Variants in SLCO1B1 observed in about 807,000 individuals in gnomAD.
SLCO1B1 encodes the protein solute carrier organic anion transporter family member 1B1.
A neutral mutation model predicts 70.1 loss-of-function variants in SLCO1B1; 81 were observed. The observed-to-expected ratio is 1.16, with a 90% CI of 0.97 to 1.39. SLCO1B1 has a LOEUF of 1.39. Ranked by LOEUF, SLCO1B1 falls within the 40% of genes most tolerant of loss-of-function variation. SLCO1B1 has a pLI of 0.00. For missense variants in SLCO1B1, 895 were observed against 799.6 expected, an observed-to-expected ratio of 1.12 and a Z score of -1.44; for synonymous variants, 283 against 271.5, an observed-to-expected ratio of 1.04 and a Z score of -0.42.
intron 1 of SLCO1B1, among the ~76,000 whole-genome samples, chr12:21,138,990 G>T (rs1248462676): frequency 2.6e-5 from 4 of 152,094 alleles, no homozygotes; most frequent in African/African-American, 9.7e-5. Flanking sequence ...GGATAAATAT[G>T]ATATGCATAG....
intron 7 of SLCO1B1, among the ~76,000 whole-genome samples, chr12:21,187,668 G>GAA (rs34413949): frequency 7.4e-5 from 11 of 149,400 alleles, no homozygotes; most frequent in Non-Finnish European, 1.6e-4. Context: ...TTGTTATAGG[G>GAA]AAAAAAAAAA....
At chr12:21,206,374 G>C (rs1228795064) in intron 11 of SLCO1B1, among the ~76,000 whole-genome samples, 1 of 151,756 alleles carries the variant, frequency 6.6e-6, no homozygotes, top group Non-Finnish European at 1.5e-5. Context: ...CATTAAGTTG[G>C]AATTACTTTA....
At chr12:21,207,175 G>A (rs1185688011) in intron 11 of SLCO1B1, among the ~76,000 whole-genome samples, 1 of 151,914 alleles carries the variant, frequency 6.6e-6, no homozygotes, top group African/African-American at 2.4e-5. Flanking sequence ...GGATACAAAT[G>A]AATTTGTGTT....
intron 11 of SLCO1B1, among the ~76,000 whole-genome samples, chr12:21,212,995 T>G (rs1377677466): frequency 1.3e-5 from 2 of 151,900 alleles, no homozygotes; most frequent in Non-Finnish European, 2.9e-5. Context: ...TACAGCACAC[T>G]GATGGGTCTT....
chr12:21,226,996 C>A (rs75355229), intron 14 of SLCO1B1, among the ~76,000 whole-genome samples: 18,852 of 152,056 alleles, frequency 0.12, 1,577 homozygotes, highest in Non-Finnish European at 0.18. Flanking sequence ...TTAAAACTCA[C>A]CCAAATTGTC....
rs546091491 is a variant in SLCO1B1 at position 21,165,699 on chromosome 12, G to C, written c.85-6951G>C. ...TTATAATGTGAGTAGTGCCTTACAA[G>C]AAAATGCTGGAGAGCTCACTAGATT... is the stretch of plus-strand genomic sequence containing the variant. On this transcript the variant is annotated intron_variant, in intron 2 of 14. Transcript: ENST00000256958. 2.6e-5 allele frequency among the ~76,000 whole-genome samples: 4 copies of C among 152,136 alleles called. No individual in the cohort carries two copies. The East Asian group carries it at 5.8e-4, about 22-fold the overall frequency.
At chr12:21,156,120 T>A (rs1210442410) in intron 2 of SLCO1B1, among the ~76,000 whole-genome samples, 1 of 152,132 alleles carries the variant, frequency 6.6e-6, no homozygotes, top group African/African-American at 2.4e-5. Context: ...CAAGTAGTAT[T>A]GTGACCGAGA....
chr12:21,193,384 G>T (rs952224074), intron 7 of SLCO1B1, among the ~76,000 whole-genome samples: 2 of 152,082 alleles, frequency 1.3e-5, no homozygotes, highest in African/African-American at 2.4e-5. Context: ...TATCCATAGG[G>T]AGTCCTAGAA....
chr12:21,207,285 G>GT (rs1056194565), intron 11 of SLCO1B1, among the ~76,000 whole-genome samples: 1 of 151,850 alleles, frequency 6.6e-6, no homozygotes, highest in African/African-American at 2.4e-5. Flanking sequence ...AGTACTTGCT[G>GT]TTTTTTATCT....
intron 2 of SLCO1B1, among the ~76,000 whole-genome samples, chr12:21,171,280 T>C (rs1940753206): frequency 1.3e-5 from 2 of 152,162 alleles, no homozygotes; most frequent in African/African-American, 4.8e-5. Context: ...GAATCTGGAA[T>C]GCTCAATATA....
intron 12 of SLCO1B1, among the ~76,000 whole-genome samples, chr12:21,220,063 T>C (rs2121185278): frequency 6.6e-6 from 1 of 152,264 alleles, no homozygotes. Context: ...ACCTGGCCTT[T>C]GTTTTATTTT....
chr12:21,175,532 C>A (rs1940809092), intron 4 of SLCO1B1, among the ~76,000 whole-genome samples: 3 of 152,104 alleles, frequency 2.0e-5, no homozygotes, highest in Non-Finnish European at 4.4e-5. Context: ...TATTAGGAGA[C>A]AATGAGCAGT....
intron 7 of SLCO1B1, among the ~76,000 whole-genome samples, chr12:21,194,737 T>C (rs1941072009): frequency 6.6e-6 from 1 of 152,198 alleles, no homozygotes; most frequent in African/African-American, 2.4e-5. Context: ...ATTTTCTGTG[T>C]TAGGCCATTC....
At chr12:21,172,862 T>C in intron 3 of SLCO1B1, 71 bp downstream of exon 3, 4 of 1,387,848 alleles carry the variant, frequency 2.9e-6, no homozygotes, top group Non-Finnish European at 4.0e-6. Flanking sequence ...ACACCACTGG[T>C]TATCAACTGG....
intron 12 of SLCO1B1, among the ~76,000 whole-genome samples, chr12:21,217,785 TA>T (rs1941377775): frequency 1.3e-5 from 2 of 152,062 alleles, no homozygotes; most frequent in Admixed American, 1.3e-4. Context: ...TGTAGAAAAA[TA>T]AAAAAATACA....
rs1032816523 is a variant in SLCO1B1 at position 21,235,034 on chromosome 12, C to A, written c.1866-3945C>A. Among the ~76,000 whole-genome samples, 5 of 149,546 alleles carry A rather than the reference C, an allele frequency of 3.3e-5. No individual in the cohort carries two copies. In the South Asian group the frequency reaches 6.3e-4, roughly 19 times the overall value. ...CTCTGATTTTTGGGTGAAGTATTCTCTAGATATCTATTAGATCCACTTGGT... is the reference window on the plus strand; with the variant it reads ...CTCTGATTTTTGGGTGAAGTATTCTATAGATATCTATTAGATCCACTTGGT... On this transcript the variant is annotated intron_variant, in intron 14 of 14. Transcript: ENST00000256958.
In SLCO1B1 at chr12:21,172,544, T is replaced by C. The variant is rs71581982; in HGVS notation, c.85-106T>C. The C allele has an allele frequency of 4.1e-3, 5,165 of 1,267,704 alleles. 27 individuals are homozygous for C. Among genetic ancestry groups the C allele is most frequent in the Non-Finnish European group, 4.8e-3 (4,184 of 876,682 alleles). 78.5% of individuals were successfully genotyped at this position (1,267,704 alleles called of 1,614,324 possible). A position where few individuals can be genotyped will look rare whatever the true frequency, so the allele number is the denominator to read the frequency against. On this transcript the variant is annotated intron_variant, in intron 2 of 14. Transcript: ENST00000256958. Reference sequence around the variant, plus strand: ...CTAAGTATGGTTTTTAAGATACAAATAATGTTTTTAAGTAAAGAAGAAAGC... The same window carrying C: ...CTAAGTATGGTTTTTAAGATACAAACAATGTTTTTAAGTAAAGAAGAAAGC...
At chr12:21,177,472 G>A (rs574978927) in intron 5 of SLCO1B1, among the ~76,000 whole-genome samples, 1 of 152,042 alleles carries the variant, frequency 6.6e-6, no homozygotes, top group African/African-American at 2.4e-5. Flanking sequence ...AATTATAATT[G>A]CAAATTGTAC....
Position 21,213,760 on chromosome 12 carries a change from G to A in SLCO1B1, c.1498-3359G>A, listed in dbSNP as rs1231161050. On this transcript the variant is annotated intron_variant, in intron 11 of 14. Coordinates refer to ENST00000256958, the MANE Select transcript of SLCO1B1 (RefSeq NM_006446.5). The stretch of plus-strand genomic sequence containing the variant: ...CCCATATTTCTTGGAGGCTTTGCTC[G>A]TTTCTTTTTATTCTTTTTTCTCTAA... Among the ~76,000 whole-genome samples, 151 of 142,408 alleles carry A rather than the reference G, an allele frequency of 1.1e-3. 1 individual carries two copies. The highest frequency in any genetic ancestry group is 3.9e-3 in the Admixed American group (55 of 14,130). 93.4% of individuals were successfully genotyped at this position (142,408 alleles called of 152,430 possible).
Sources: allele counts gnomAD v4.1 joint callset (sites outside exome capture counted in the v4.1 genomes callset), GRCh38; gene constraint gnomAD v4.1.1; transcripts MANE v1.5; gene names NCBI Gene and HGNC (gene_info 2026-07-23, HGNC 2026-07-21).